TNFSF4: variants seen among roughly 807,000 people sequenced by gnomAD.
TNFSF4 encodes the protein tumor necrosis factor ligand superfamily member 4.
In TNFSF4, 4 loss-of-function variants were observed where a neutral mutation model predicts 7.3. The ratio of observed to expected loss-of-function variants is 0.55; its 90% CI spans 0.27 to 1.25. The LOEUF (loss-of-function observed/expected upper bound fraction) is 1.25. TNFSF4 is among the 50% of genes most tolerant of loss of function. The probability of loss-of-function intolerance (pLI) is 0.12; values close to 1 mark genes in which losing one functional copy is unlikely to be tolerated. For missense variants in TNFSF4, 181 were observed against 208.8 expected, an observed-to-expected ratio of 0.87 and a Z score of 0.82; for synonymous variants, 76 against 83.7, an observed-to-expected ratio of 0.91 and a Z score of 0.50.
the TNFSF4 span, among the ~76,000 whole-genome samples, chr1:173,359,921 C>T: frequency 6.6e-6 from 1 of 152,252 alleles, no homozygotes; most frequent in African/African-American, 2.4e-5. Flanking sequence ...AAGAAGTCAA[C>T]ATCTCATTCT....
At chr1:173,233,549 C>G in the TNFSF4 span, among the ~76,000 whole-genome samples, 1 of 152,162 alleles carries the variant, frequency 6.6e-6, no homozygotes, top group Non-Finnish European at 1.5e-5. Context: ...AAGCTAAAAT[C>G]TATACCTTGC....
the TNFSF4 span, among the ~76,000 whole-genome samples, chr1:173,360,287 T>G: frequency 2.6e-5 from 4 of 152,370 alleles, no homozygotes; most frequent in East Asian, 7.7e-4. Context: ...GGACTGTGCC[T>G]TATGGAATGA....
At chr1:173,338,366 G>A in the TNFSF4 span, among the ~76,000 whole-genome samples, 1 of 152,186 alleles carries the variant, frequency 6.6e-6, no homozygotes, top group African/African-American at 2.4e-5. Context: ...ATTTCAAACA[G>A]CATTGTTTCT....
the TNFSF4 span, among the ~76,000 whole-genome samples, chr1:173,271,646 A>C: frequency 6.6e-6 from 1 of 152,160 alleles, no homozygotes; most frequent in African/African-American, 2.4e-5. Flanking sequence ...AACCACAATG[A>C]GATACCATCT....
At chr1:173,205,544 T>G in intron 1 of TNFSF4, 1 of 1,317,902 alleles carries the variant, frequency 7.6e-7, no homozygotes, top group Non-Finnish European at 9.7e-7. Flanking sequence ...AATGGAGCCA[T>G]GTGTCCTGTG....
the TNFSF4 span, among the ~76,000 whole-genome samples, chr1:173,271,898 CAT>C: frequency 3.3e-5 from 5 of 152,132 alleles, no homozygotes; most frequent in African/African-American, 7.2e-5. Context: ...CACATGCACA[CAT>C]ATGTTTATTG....
chr1:173,186,366 T>C lies in TNFSF4; in HGVS notation c.*150A>G. On this transcript the variant is annotated 3_prime_UTR_variant, in exon 3 of 3. Transcript: ENST00000281834. ...ATAAGTTTTAAATATCCCTGAGGGG[T>C]GGGGGCGGGAGGGCCAGGATCTGCT... The C allele has an allele frequency of 2.1e-6, 1 of 472,228 alleles. No individual in the cohort carries two copies. The highest frequency in any genetic ancestry group is 2.5e-5 in the South Asian group (1 of 39,834). The allele number at this position is 472,228 out of a possible 1,614,324, so 29.3% of individuals were successfully genotyped here. A position where few individuals can be genotyped will look rare whatever the true frequency, so the allele number is the denominator to read the frequency against.
chr1:173,238,881 C>CA, the TNFSF4 span, among the ~76,000 whole-genome samples: 3 of 151,306 alleles, frequency 2.0e-5, no homozygotes, highest in Non-Finnish European at 4.4e-5. Context: ...TTTTAGAGGC[C>CA]AAAAAAAGGG....
At chr1:173,350,084 C>A in the TNFSF4 span, among the ~76,000 whole-genome samples, 1 of 110,918 alleles carries the variant, frequency 9.0e-6, no homozygotes, top group Non-Finnish European at 2.0e-5. Context: ...GTAGATCAGA[C>A]CCATCACACT....
At chr1:173,303,789 T>C in the TNFSF4 span, among the ~76,000 whole-genome samples, 2 of 152,014 alleles carry the variant, frequency 1.3e-5, no homozygotes, top group South Asian at 4.1e-4. Flanking sequence ...TCTCTACATA[T>C]GATTATGTGA....
the TNFSF4 span, among the ~76,000 whole-genome samples, chr1:173,294,689 T>C: frequency 2.6e-5 from 4 of 151,868 alleles, no homozygotes; most frequent in Admixed American, 2.0e-4. Flanking sequence ...AATAAATATG[T>C]GTACAGAAGT....
At chr1:173,431,775 T>C in the TNFSF4 span, among the ~76,000 whole-genome samples, 3 of 152,124 alleles carry the variant, frequency 2.0e-5, no homozygotes, top group African/African-American at 7.2e-5. Flanking sequence ...TGTAATGAAG[T>C]TTAGTGTTGG....
At chr1:173,416,607 T>TA in the TNFSF4 span, among the ~76,000 whole-genome samples, 5 of 107,138 alleles carry the variant, frequency 4.7e-5, no homozygotes, top group Non-Finnish European at 5.8e-5. Flanking sequence ...TATTTTTTTA[T>TA]TTTTATTTAT....
the TNFSF4 span, among the ~76,000 whole-genome samples, chr1:173,342,718 C>T: frequency 2.0e-5 from 3 of 152,108 alleles, no homozygotes; most frequent in Non-Finnish European, 2.9e-5. Flanking sequence ...ACCAAAAATT[C>T]CAACTTTCCT....
chr1:173,342,030 T>C, the TNFSF4 span, among the ~76,000 whole-genome samples: 1 of 152,142 alleles, frequency 6.6e-6, no homozygotes, highest in Admixed American at 6.6e-5. Flanking sequence ...GACTTTCTGC[T>C]AACTTTAGGG....
At chr1:173,209,925 AC>A (rs1557889024), upstream of TNFSF4, among the ~76,000 whole-genome samples, 2 of 152,208 alleles carry the variant, frequency 1.3e-5, no homozygotes, top group African/African-American at 2.4e-5. Flanking sequence ...TAGACTATTA[AC>A]CTCCTAAATG....
the TNFSF4 span, among the ~76,000 whole-genome samples, chr1:173,327,872 G>A: frequency 4.6e-5 from 7 of 152,054 alleles, no homozygotes; most frequent in East Asian, 1.3e-3. Context: ...TGGAGAGGAT[G>A]TGGAGAAATA....
chr1:173,422,956 A>C, the TNFSF4 span, among the ~76,000 whole-genome samples: 1 of 140,662 alleles, frequency 7.1e-6, no homozygotes. Context: ...TACATGTTAC[A>C]TACATATATA....
the TNFSF4 span, among the ~76,000 whole-genome samples, chr1:173,391,416 G>T: frequency 9.3e-6 from 1 of 108,106 alleles, no homozygotes; most frequent in African/African-American, 3.7e-5. Context: ...CATTAGCATA[G>T]TCTATCTTCC....
Sources: allele counts gnomAD v4.1 joint callset (sites outside exome capture counted in the v4.1 genomes callset), GRCh38; gene constraint gnomAD v4.1.1; transcripts MANE v1.5; gene names NCBI Gene and HGNC (gene_info 2026-07-23, HGNC 2026-07-21).